The following CTNND2 variants were observed in gnomAD, a reference collection of about 807,000 sequenced individuals.
The protein encoded by CTNND2 is catenin delta 2.
A neutral mutation model predicts 144.4 loss-of-function variants in CTNND2; 22 were observed. The observed-to-expected ratio is 0.15, with a 90% CI of 0.11 to 0.22. The LOEUF (loss-of-function observed/expected upper bound fraction) is 0.22. Among genes scored for constraint, CTNND2 ranks in the 10% least tolerant of loss-of-function variants. The pLI is 1.00. For missense variants in CTNND2, 1,353 were observed against 1,618.8 expected, an observed-to-expected ratio of 0.84 and a Z score of 2.82; for synonymous variants, 751 against 695.6, an observed-to-expected ratio of 1.08 and a Z score of -1.25.
At chr5:11,529,021 C>G (rs557608772) in intron 3 of CTNND2, among the ~76,000 whole-genome samples, 1 of 152,292 alleles carries the variant, frequency 6.6e-6, no homozygotes, top group East Asian at 1.9e-4. Context: ...AAGGGAACCC[C>G]AGGATCACAG....
intron 12 of CTNND2, among the ~76,000 whole-genome samples, chr5:11,145,895 G>A (rs558849416): frequency 1.1e-4 from 16 of 152,224 alleles, no homozygotes; most frequent in African/African-American, 3.1e-4. Flanking sequence ...CCACCTGTCT[G>A]TCCCCAGACA....
chr5:11,142,506 G>T (rs1756830635), intron 12 of CTNND2, among the ~76,000 whole-genome samples: 1 of 152,050 alleles, frequency 6.6e-6, no homozygotes, highest in African/African-American at 2.4e-5. Context: ...CCCTACCTTG[G>T]CAGGTCCTCA....
intron 7 of CTNND2, among the ~76,000 whole-genome samples, chr5:11,366,680 T>TA (rs10714077): frequency 0.01 from 1,538 of 147,582 alleles, 24 homozygotes; most frequent in African/African-American, 0.034. Flanking sequence ...AATGTAAAAA[T>TA]AAAAAAAAAA....
At chr5:11,702,589 G>C (rs1446204283) in intron 2 of CTNND2, among the ~76,000 whole-genome samples, 5 of 152,026 alleles carry the variant, frequency 3.3e-5, no homozygotes, top group Admixed American at 6.6e-5. Context: ...ACCCAGAATT[G>C]CAAAGACAAT....
intron 9 of CTNND2, among the ~76,000 whole-genome samples, chr5:11,250,455 T>TTCTCTCTCTC (rs1561093391): frequency 1.4e-5 from 1 of 72,950 alleles, no homozygotes; most frequent in African/African-American, 4.8e-5. Context: ...ATTTAAAGGG[T>TTCTCTCTCTC]GCTCTCTCTC....
intron 1 of CTNND2, among the ~76,000 whole-genome samples, chr5:11,882,539 A>C (rs1046137224): frequency 1.3e-5 from 2 of 152,138 alleles, no homozygotes; most frequent in Non-Finnish European, 2.9e-5. Flanking sequence ...CATTTATTAA[A>C]AAGCATGTAT....
chr5:11,104,920 T>C (rs1752272218), intron 14 of CTNND2, among the ~76,000 whole-genome samples: 1 of 152,240 alleles, frequency 6.6e-6, no homozygotes, highest in Admixed American at 6.5e-5. Flanking sequence ...AGGAATAGCC[T>C]TGCTGATGCA....
At chr5:11,348,552 G>A (rs1580979739) in intron 8 of CTNND2, among the ~76,000 whole-genome samples, 7 of 151,650 alleles carry the variant, frequency 4.6e-5, no homozygotes, top group African/African-American at 1.7e-4. Context: ...TGCTGAAAAT[G>A]GTTTTCAGGA....
At chr5:11,255,782 C>T (rs904849837) in intron 9 of CTNND2, among the ~76,000 whole-genome samples, 1 of 152,144 alleles carries the variant, frequency 6.6e-6, no homozygotes, top group African/African-American at 2.4e-5. Flanking sequence ...GAGCTGGAAA[C>T]TCACTTTCCA....
intron 2 of CTNND2, among the ~76,000 whole-genome samples, chr5:11,653,330 C>G (rs1782744594): frequency 6.6e-6 from 1 of 151,992 alleles, no homozygotes; most frequent in South Asian, 2.1e-4. Context: ...ATGCCATGCC[C>G]TAATGTCTCT....
At chr5:11,326,019 T>A (rs1580912063) in intron 9 of CTNND2, among the ~76,000 whole-genome samples, 1 of 152,196 alleles carries the variant, frequency 6.6e-6, no homozygotes, top group African/African-American at 2.4e-5. Flanking sequence ...GCTGCATATA[T>A]GTTAGCCTAT....
At chr5:11,288,387 C>G (rs906379738) in intron 9 of CTNND2, among the ~76,000 whole-genome samples, 1 of 151,494 alleles carries the variant, frequency 6.6e-6, no homozygotes, top group African/African-American at 2.4e-5. Flanking sequence ...ATTTTAACAC[C>G]ATGTCAATTA....
intron 11 of CTNND2, among the ~76,000 whole-genome samples, chr5:11,165,434 GT>G (rs1199001933): frequency 1.4e-4 from 21 of 152,124 alleles, no homozygotes; most frequent in Admixed American, 1.3e-3. Context: ...TACCCTGTTT[GT>G]TTATATCTGA....
intron 11 of CTNND2, among the ~76,000 whole-genome samples, chr5:11,199,203 C>G (rs1580564235): frequency 6.6e-6 from 1 of 152,188 alleles, no homozygotes; most frequent in East Asian, 1.9e-4. Flanking sequence ...CATCCACTGA[C>G]AAAAACTGTT....
chr5:11,805,354 A>G (rs1243520555), intron 1 of CTNND2, among the ~76,000 whole-genome samples: 1 of 152,108 alleles, frequency 6.6e-6, no homozygotes, highest in Non-Finnish European at 1.5e-5. Context: ...GTCTAAAAAC[A>G]AGGACACTCC....
At chr5:11,897,198 G>T (rs1030009498) in intron 1 of CTNND2, among the ~76,000 whole-genome samples, 2 of 152,168 alleles carry the variant, frequency 1.3e-5, no homozygotes, top group African/African-American at 4.8e-5. Context: ...TACCAAAGAG[G>T]TTGCTCTTTC....
intron 1 of CTNND2, among the ~76,000 whole-genome samples, chr5:11,847,128 TTATATATATATATATATATATATATATA>T (rs56978156): frequency 4.4e-4 from 32 of 72,454 alleles, no homozygotes; most frequent in South Asian, 1.7e-3. Context: ...GTCAAAGATT[TTATATATATATATATATATATATATATA>T]TATATATATA....
intron 16 of CTNND2, among the ~76,000 whole-genome samples, chr5:11,065,792 C>T (rs1211146150): frequency 6.6e-6 from 1 of 152,140 alleles, no homozygotes; most frequent in African/African-American, 2.4e-5. Context: ...TATTTTACCC[C>T]AAAACATGTT....
rs553820830 is a variant in CTNND2 at position 10,981,632 on chromosome 5, C to T, written c.3417+141G>A. 256 of 745,710 alleles carry T rather than the reference C, an allele frequency of 3.4e-4. 2 individuals are homozygous for T. The South Asian group carries it at 3.7e-3, about 11-fold the overall frequency. The allele number at this position is 745,710 out of a possible 1,614,324, so 46.2% of individuals were successfully genotyped here. ...AGAGACACACACACGCTGCAACAGG[C>T]GTGAGGAGAGGGCCTCAGGGGACGT... On this transcript the variant is annotated intron_variant, in intron 21 of 21. Coordinates refer to ENST00000304623, the MANE Select transcript of CTNND2 (RefSeq NM_001332.4).
Sources: gnomAD v4.1 joint callset for allele counts (sites outside exome capture counted in the v4.1 genomes callset) on GRCh38, gnomAD v4.1.1 for gene constraint, MANE v1.5 for transcripts, NCBI Gene and HGNC (gene_info 2026-07-23, HGNC 2026-07-21) for gene names.